The following KALRN variants were observed in gnomAD, a reference collection of about 807,000 sequenced individuals.
KALRN encodes kalirin.
Under a neutral mutation model 353.7 loss-of-function variants are expected in KALRN, and 70 were observed. The observed-to-expected ratio is 0.20, with a 90% CI of 0.16 to 0.24. The LOEUF (loss-of-function observed/expected upper bound fraction) is 0.24. Among genes scored for constraint, KALRN ranks in the 10% least tolerant of loss-of-function variants. KALRN has a pLI of 1.00. For missense variants in KALRN, 2,791 were observed against 3,756.7 expected (o/e 0.74, Z 6.72); for synonymous variants, 1,391 against 1,434.8 (o/e 0.97, Z 0.69).
intron 5 of KALRN, among the ~76,000 whole-genome samples, chr3:124,270,922 C>G (rs545888632): frequency 6.6e-6 from 1 of 150,930 alleles, no homozygotes. Flanking sequence ...CTCCACCTCC[C>G]GGGTTCACGC....
intron 33 of KALRN, among the ~76,000 whole-genome samples, chr3:124,506,695 C>A (rs2108756506): frequency 6.6e-6 from 1 of 152,294 alleles, no homozygotes; most frequent in East Asian, 1.9e-4. Flanking sequence ...AAAACCCAGG[C>A]TCTATTTTTT....
At position 124,434,315 on chromosome 3, in the gene KALRN, T is replaced by C; in HGVS notation, c.2838T>C (p.Phe946=). ...CCTCTCCTTGTGCCCAGTCCCTCTT[T>C]CATGCCACTTCCTTGCAGAAGACGC... is the stretch of plus-strand genomic sequence containing the variant. ...EQFQLAIESL[F]HATSLQKTHQ... Residue 946 remains phenylalanine, a synonymous_variant, in exon 17 of 60, where the codon TTT becomes TTC. Coordinates refer to ENST00000682506, the MANE Select transcript of KALRN (RefSeq NM_001388419.1). 1 of 1,612,504 alleles carries C rather than the reference T, an allele frequency of 6.2e-7. No homozygotes were observed. The highest frequency in any genetic ancestry group is 8.5e-7 in the Non-Finnish European group (1 of 1,179,952).
chr3:124,475,922 T>C (rs2061388204), intron 26 of KALRN, among the ~76,000 whole-genome samples: 1 of 152,174 alleles, frequency 6.6e-6, no homozygotes, highest in Non-Finnish European at 1.5e-5. Context: ...AAATAATTTA[T>C]GATCCCTTGC....
At chr3:124,439,814 G>A (rs751139690) in intron 18 of KALRN, among the ~76,000 whole-genome samples, 14 of 152,162 alleles carry the variant, frequency 9.2e-5, no homozygotes, top group Non-Finnish European at 1.9e-4. Context: ...TCCTTCCCCA[G>A]CCTTTGATCT....
intron 1 of KALRN, among the ~76,000 whole-genome samples, chr3:124,211,185 A>G (rs1050282966): frequency 3.3e-5 from 5 of 152,194 alleles, no homozygotes; most frequent in African/African-American, 7.2e-5. Context: ...CTGGACATCT[A>G]CCAGTCACAA....
chr3:124,704,756 C>A (rs949025437), intron 57 of KALRN, among the ~76,000 whole-genome samples: 2 of 152,054 alleles, frequency 1.3e-5, no homozygotes, highest in Admixed American at 1.3e-4. Flanking sequence ...CACCATGTTG[C>A]CCAGGGTAAT....
chr3:124,172,377 A>T (rs2071975485), intron 1 of KALRN, among the ~76,000 whole-genome samples: 1 of 152,192 alleles, frequency 6.6e-6, no homozygotes, highest in African/African-American at 2.4e-5. Context: ...AGAGGGAGAG[A>T]GTTTAAGAAA....
chr3:124,098,401 C>A (rs1238203044), intron 1 of KALRN, among the ~76,000 whole-genome samples: 1 of 152,146 alleles, frequency 6.6e-6, no homozygotes, highest in East Asian at 1.9e-4. Flanking sequence ...TACCTCTGGT[C>A]TCCCTCTTCT....
intron 12 of KALRN, 131 bp downstream of exon 12, chr3:124,395,474 T>A: frequency 1.5e-6 from 1 of 674,122 alleles, no homozygotes; most frequent in Non-Finnish European, 2.5e-6. Flanking sequence ...ATCTGTAAGA[T>A]GTAAAAATGC....
intron 5 of KALRN, among the ~76,000 whole-genome samples, chr3:124,272,865 G>C (rs1000116672): frequency 1.3e-5 from 2 of 152,178 alleles, no homozygotes; most frequent in Admixed American, 1.3e-4. Context: ...GGGGTGAAGA[G>C]GGTGATGGTT....
At chr3:124,143,017 C>T (rs2066829309) in intron 1 of KALRN, among the ~76,000 whole-genome samples, 1 of 151,976 alleles carries the variant, frequency 6.6e-6, no homozygotes, top group African/African-American at 2.4e-5. Flanking sequence ...CTTTTCTACC[C>T]TCAGCACCTA....
intron 5 of KALRN, among the ~76,000 whole-genome samples, chr3:124,297,133 T>C (rs1305904419): frequency 2.0e-5 from 3 of 152,232 alleles, no homozygotes; most frequent in Non-Finnish European, 4.4e-5. Flanking sequence ...CCTCCAGCGG[T>C]CCCTGGCACA....
At chr3:124,367,507 G>A (rs2085022406) in intron 10 of KALRN, among the ~76,000 whole-genome samples, 1 of 110,900 alleles carries the variant, frequency 9.0e-6, no homozygotes, top group South Asian at 3.3e-4. Context: ...GGCCGGGCGG[G>A]GGGGCTGACC....
chr3:124,149,724 G>T (rs1578636671), intron 1 of KALRN, among the ~76,000 whole-genome samples: 1 of 152,194 alleles, frequency 6.6e-6, no homozygotes, highest in East Asian at 1.9e-4. Flanking sequence ...GTGAGTATGA[G>T]ATTCAGATGC....
rs1190021151 is a variant in KALRN, at chr3:124,721,466, A to G, written c.*1996A>G. 3.9e-5 allele frequency: 6 copies of G among 152,264 alleles called. No homozygotes were observed. The highest frequency in any genetic ancestry group is 5.9e-5 in the Non-Finnish European group (4 of 68,048). 9.4% of individuals were successfully genotyped at this position (152,264 alleles called of 1,614,324 possible). On this transcript the variant is annotated 3_prime_UTR_variant, in exon 60 of 60. Transcript: ENST00000682506. ...TTACAAACACTCTATGATACAATAC[A>G]TAAAAATTTAAAACATACATTAAAC... is the stretch of plus-strand genomic sequence containing the variant.
At chr3:124,401,821 A>G (rs979537267) in intron 13 of KALRN, among the ~76,000 whole-genome samples, 4 of 152,190 alleles carry the variant, frequency 2.6e-5, no homozygotes, top group Non-Finnish European at 5.9e-5. Context: ...TTCTGCTTCA[A>G]GTCAGATTGT....
intron 1 of KALRN, among the ~76,000 whole-genome samples, chr3:124,165,403 T>A (rs1470853781): frequency 6.6e-6 from 1 of 152,222 alleles, no homozygotes; most frequent in East Asian, 1.9e-4. Flanking sequence ...TTGTGGGGCC[T>A]GGGTACCAAT....
rs1242625916 is a variant in KALRN at position 124,492,848 on chromosome 3, A to G, written c.4798A>G (p.Lys1600Glu). The G allele has an allele frequency of 6.2e-7, 1 of 1,614,130 alleles. No homozygotes were observed. Among genetic ancestry groups the G allele is most frequent in the Non-Finnish European group, 8.5e-7 (1 of 1,179,996 alleles). ...TTTAAAGGAGCCACTTCAGCTCCCC[A>G]AAACACCAGCCAAACAGAGGAACAA... ...GALKEPLQLP[K>E]TPAKQRNNSK... Residue 1600 changes from lysine to glutamate, a missense_variant, in exon 32 of 60, where the codon AAA (lysine) becomes GAA (glutamate). Lys to Glu is a moderately conservative substitution (Grantham distance 56). Around this residue, in one of 11 missense-constraint regions of KALRN, gnomAD observed 239 missense variants for 351.3 expected, o/e 0.68. Coordinates refer to ENST00000682506, the MANE Select transcript of KALRN (RefSeq NM_001388419.1).
chr3:124,477,189 G>A (rs1279659053), intron 26 of KALRN, 56 bp from the exon 27 acceptor site: 1 of 1,292,976 alleles, frequency 7.7e-7, no homozygotes, highest in Non-Finnish European at 1.1e-6. Flanking sequence ...TCAGCATGGT[G>A]GACAGAAGGG....
Sources: gnomAD v4.1 joint callset for allele counts (sites outside exome capture counted in the v4.1 genomes callset) on GRCh38, gnomAD v4.1.1 for gene constraint, gnomAD v4.1.1 regional missense constraint, MANE v1.5 for transcripts, NCBI Gene and HGNC (gene_info 2026-07-23, HGNC 2026-07-21) for gene names.